RNF150: variants seen among roughly 807,000 people sequenced by gnomAD.
The protein encoded by RNF150 is ring finger protein 150.
RNF150 carries 24 observed loss-of-function variants against 39.3 expected under a neutral mutation model. The ratio of observed to expected loss-of-function variants is 0.61; its 90% CI spans 0.44 to 0.86. RNF150 has a LOEUF of 0.86. Among genes scored for constraint, RNF150 ranks in the 40% least tolerant of loss-of-function variants. The probability of loss-of-function intolerance (pLI) is 0.00; values close to 1 mark genes in which losing one functional copy is unlikely to be tolerated. For synonymous variants in RNF150, 255 were observed against 227.3 expected (o/e 1.12, Z -1.10); for missense variants, 502 against 587.8 (o/e 0.85, Z 1.51).
In RNF150 at chr4:140,894,523, C is replaced by G. The variant is rs1453367943; in HGVS notation, c.1198+16621G>C. 3.9e-5 allele frequency among the ~76,000 whole-genome samples: 6 copies of G among 152,272 alleles called. No homozygotes were observed. The South Asian group carries it at 1.0e-3, about 26-fold the overall frequency. Reference sequence around the variant, plus strand: ...TGTTTATAGTGAGCCCCATCCCCCACTTTTTAAACTCCATAAATATTTAAG... The same window carrying G: ...TGTTTATAGTGAGCCCCATCCCCCAGTTTTTAAACTCCATAAATATTTAAG... On this transcript the variant is annotated intron_variant, in intron 6 of 6. Transcript: ENST00000515673.
chr4:141,110,124 T>G (rs1321433623), intron 1 of RNF150, among the ~76,000 whole-genome samples: 1 of 152,152 alleles, frequency 6.6e-6, no homozygotes, highest in Admixed American at 6.5e-5. Flanking sequence ...CCCCAAAATA[T>G]TTAGGACTGT....
chr4:140,987,215 C>T (rs1734044629), intron 1 of RNF150, among the ~76,000 whole-genome samples: 1 of 152,084 alleles, frequency 6.6e-6, no homozygotes, highest in African/African-American at 2.4e-5. Flanking sequence ...AGATTCAATA[C>T]TATTCCTATC....
intron 1 of RNF150, among the ~76,000 whole-genome samples, chr4:140,973,609 G>T (rs564767471): frequency 6.6e-6 from 1 of 152,186 alleles, no homozygotes; most frequent in East Asian, 1.9e-4. Context: ...GGGCATGGTG[G>T]CTCATGCCTG....
intron 1 of RNF150, among the ~76,000 whole-genome samples, chr4:141,169,208 G>C (rs1257875781): frequency 6.6e-6 from 1 of 152,026 alleles, no homozygotes; most frequent in Admixed American, 6.6e-5. Flanking sequence ...ATGAGATCTG[G>C]CTGTTTAAAA....
rs1230789431 is a variant in RNF150, at chr4:141,154,340, G to T, written c.-6+58454C>A. ...AATTGGCTCTTATAAAACTAATGAGGAACATCACAGGCCTGCATAATGAAA... is the reference window on the plus strand; with the variant it reads ...AATTGGCTCTTATAAAACTAATGAGTAACATCACAGGCCTGCATAATGAAA... On this transcript the variant is annotated intron_variant, in intron 1 of 7. Coordinates refer to the RNF150 transcript ENST00000420921. Among the ~76,000 whole-genome samples, 3 of 152,150 alleles carry T rather than the reference G, an allele frequency of 2.0e-5. No individual in the cohort carries two copies. In the East Asian group the frequency reaches 5.8e-4, roughly 29 times the overall value.
chr4:141,089,624 A>G (rs1050340011), intron 1 of RNF150, among the ~76,000 whole-genome samples: 4 of 152,178 alleles, frequency 2.6e-5, no homozygotes, highest in African/African-American at 7.2e-5. Flanking sequence ...TACTGTGTAG[A>G]TATCTACCCA....
chr4:140,899,968 C>CTG (rs1216982458), intron 6 of RNF150, among the ~76,000 whole-genome samples: 7 of 117,272 alleles, frequency 6.0e-5, no homozygotes, highest in African/African-American at 2.0e-4. Context: ...CTCTCTCTCT[C>CTG]TCTCTCTGTG....
At chr4:140,977,114 A>G (rs1278897578) in intron 1 of RNF150, among the ~76,000 whole-genome samples, 3 of 152,180 alleles carry the variant, frequency 2.0e-5, no homozygotes, top group Admixed American at 2.0e-4. Context: ...ACAATGGATT[A>G]TTTGGCACAG....
chr4:140,884,260 G>A (rs1413457614), intron 6 of RNF150, among the ~76,000 whole-genome samples: 1 of 152,020 alleles, frequency 6.6e-6, no homozygotes, highest in Non-Finnish European at 1.5e-5. Flanking sequence ...CTTTTGAAAC[G>A]ATTTATCTGA....
chr4:141,073,508 T>C (rs1049291563), intron 1 of RNF150, among the ~76,000 whole-genome samples: 4 of 151,736 alleles, frequency 2.6e-5, no homozygotes, highest in Non-Finnish European at 5.9e-5. Flanking sequence ...TAAAATGAGA[T>C]AGTAACACAG....
chr4:141,165,968 CAG>C (rs2111164830), intron 1 of RNF150, among the ~76,000 whole-genome samples: 1 of 151,884 alleles, frequency 6.6e-6, no homozygotes, highest in Admixed American at 6.6e-5. Context: ...CTGAAGGAGA[CAG>C]AGACATGAAA....
intron 5 of RNF150, among the ~76,000 whole-genome samples, chr4:140,925,034 T>C (rs1291751541): frequency 2.6e-5 from 4 of 152,230 alleles, no homozygotes; most frequent in African/African-American, 9.6e-5. Flanking sequence ...TTGGGACTAT[T>C]AACATTCTCT....
In RNF150 at chr4:140,863,003, C is replaced by G. The variant is rs567429913; in HGVS notation, c.*5258G>C. 2 of 152,056 alleles carry G rather than the reference C, an allele frequency of 1.3e-5. No individual in the cohort carries two copies. Among genetic ancestry groups the G allele is most frequent in the African/African-American group, 4.8e-5 (2 of 41,384 alleles). The allele number at this position is 152,056 out of a possible 1,614,324, so 9.4% of individuals were successfully genotyped here. A position where few individuals can be genotyped will look rare whatever the true frequency, so the allele number is the denominator to read the frequency against. ...ATGCAATGGCATGGATGAAGGACCT[C>G]GGTGGCCAAGAGCACTGCATGAAGA... On this transcript the variant is annotated 3_prime_UTR_variant, in exon 7 of 7. Transcript: ENST00000515673.
chr4:140,930,253 G>A lies in RNF150; in HGVS notation c.891-4180C>T, dbSNP rs547941441. 5.5e-4 allele frequency among the ~76,000 whole-genome samples: 84 copies of A among 152,354 alleles called. 1 individual carries two copies. Among genetic ancestry groups the A allele is most frequent in the Non-Finnish European group, 4.4e-5 (3 of 68,034 alleles). On this transcript the variant is annotated intron_variant, in intron 4 of 6. Coordinates refer to ENST00000515673, the MANE Select transcript of RNF150 (RefSeq NM_020724.2). ...ACTATAGCATCAGCTCCTGCCAAGAGTTTCCGGCTTATAGGCCTGTCCTGA... is the reference window on the plus strand; with the variant it reads ...ACTATAGCATCAGCTCCTGCCAAGAATTTCCGGCTTATAGGCCTGTCCTGA...
At position 140,866,863 on chromosome 4, in the gene RNF150, A is replaced by G. The variant is rs530013551; in HGVS notation, c.*1398T>C. ...TGTATCTGGATAGTCTGAATATATTACAAAATTGCCCACTGAAAAAATAGC... is the reference window on the plus strand; with the variant it reads ...TGTATCTGGATAGTCTGAATATATTGCAAAATTGCCCACTGAAAAAATAGC... On this transcript the variant is annotated 3_prime_UTR_variant, in exon 7 of 7. Transcript: ENST00000515673. The G allele has an allele frequency of 3.7e-4, 56 of 152,342 alleles. 1 individual carries two copies. The highest frequency in any genetic ancestry group is 3.1e-3 in the Admixed American group (48 of 15,298). The allele number at this position is 152,342 out of a possible 1,614,324, so 9.4% of individuals were successfully genotyped here.
At chr4:141,080,102 AACAAAAAAGT>A (rs1738093787) in intron 1 of RNF150, among the ~76,000 whole-genome samples, 1 of 152,232 alleles carries the variant, frequency 6.6e-6, no homozygotes, top group Admixed American at 6.5e-5. Flanking sequence ...TATTTGAACA[AACAAAAAAGT>A]AAAAAGTACT....
intron 1 of RNF150, among the ~76,000 whole-genome samples, chr4:141,172,287 A>G (rs545421684): frequency 6.6e-6 from 1 of 152,232 alleles, no homozygotes; most frequent in South Asian, 2.1e-4. Flanking sequence ...GAGATCTCTT[A>G]CCACCTAAGC....
chr4:141,189,985 C>G (rs1388030347), intron 1 of RNF150, among the ~76,000 whole-genome samples: 8 of 152,104 alleles, frequency 5.3e-5, no homozygotes, highest in Non-Finnish European at 1.0e-4. Context: ...TCTGCCCAAA[C>G]AGCTGCCTGG....
At chr4:141,184,498 T>C (rs997474803) in intron 1 of RNF150, among the ~76,000 whole-genome samples, 3 of 152,248 alleles carry the variant, frequency 2.0e-5, no homozygotes, top group African/African-American at 7.2e-5. Context: ...CAGAAGTTCT[T>C]TGGTTTAATT....
Sources: gnomAD v4.1 joint callset for allele counts (sites outside exome capture counted in the v4.1 genomes callset) on GRCh38, gnomAD v4.1.1 for gene constraint, MANE v1.5 for transcripts, NCBI Gene and HGNC (gene_info 2026-07-23, HGNC 2026-07-21) for gene names.